The following PSMB1 variants were observed in gnomAD, a reference collection of about 807,000 sequenced individuals.
PSMB1 encodes the protein proteasome 20S subunit beta 1.
In PSMB1, 7 loss-of-function variants were observed where a neutral mutation model predicts 25.4. The ratio of observed to expected loss-of-function variants is 0.28; its 90% CI spans 0.16 to 0.52. The LOEUF is 0.52. Ranked by LOEUF, PSMB1 falls within the 20% of genes least tolerant of loss-of-function variation. The pLI is 0.97. For missense variants in PSMB1, 284 were observed against 302.2 expected, an observed-to-expected ratio of 0.94 and a Z score of 0.45; for synonymous variants, 119 against 115.0, an observed-to-expected ratio of 1.03 and a Z score of -0.22.
intron 1 of PSMB1, among the ~76,000 whole-genome samples, chr6:170,550,906 G>C (rs1302762430): frequency 1.5e-3 from 4 of 2,716 alleles, no homozygotes; most frequent in Admixed American, 0.012. Flanking sequence ...GGAGGCTGAG[G>C]GGGGGGGGGG....
chr6:170,546,183 T>C lies in PSMB1; in HGVS notation c.223A>G (p.Thr75Ala). The C allele has an allele frequency of 6.2e-7, 1 of 1,613,674 alleles. No homozygotes were observed. Among genetic ancestry groups the C allele is most frequent in the Non-Finnish European group, 8.5e-7 (1 of 1,179,724 alleles). The change falls in exon 3 of 6, where the codon ACA becomes GCA. Residue 75 changes from threonine (T) to alanine (A), a missense_variant and splice_region_variant. Thr to Ala is a moderately conservative substitution (Grantham distance 58, BLOSUM62 0). Coordinates refer to ENST00000262193, the MANE Select transcript of PSMB1 (RefSeq NM_002793.4). ...CTGCATCCAATGACTGTTTTGTCTG[T>C]TCTGTAAAAAGCACATTTCAGAAAA... ...TRDSPKCYKL[T>A]DKTVIGCSGF...
chr6:170,553,050 T>A (rs1383554610), intron 1 of PSMB1, 80 bp downstream of exon 1: 5 of 1,270,264 alleles, frequency 3.9e-6, no homozygotes, highest in Non-Finnish European at 4.4e-6. Flanking sequence ...GGCAGCGCCA[T>A]CACGGCGGTG....
chr6:170,537,272 A>G lies in PSMB1; in HGVS notation c.502T>C (p.Ser168Pro). 6.2e-7 allele frequency: 1 copy of G among 1,614,168 alleles called. No homozygotes were observed. The highest frequency in any genetic ancestry group is 8.5e-7 in the Non-Finnish European group (1 of 1,180,024). The change falls in exon 5 of 6, where the codon TCA (serine) becomes CCA (proline). Residue 168 changes from serine (S) to proline (P), a missense_variant. Ser to Pro is a moderately conservative substitution (Grantham distance 74). Transcript: ENST00000262193. The stretch of plus-strand genomic sequence containing the variant: ...AGGGGCTGTAGCATGGCACTTGCTG[A>G]GCCTCCAGCCTTGAAGGAGTCTCTC... Reference protein sequence around the residue: ...YQRDSFKAGGSASAMLQPLLD... With the variant: ...YQRDSFKAGGPASAMLQPLLD...
chr6:170,547,446 T>G (rs1778833261), intron 2 of PSMB1, among the ~76,000 whole-genome samples: 1 of 152,188 alleles, frequency 6.6e-6, no homozygotes, highest in African/African-American at 2.4e-5. Flanking sequence ...CTAAACAATA[T>G]TTTGCAGAGG....
chr6:170,546,885 ATT>A (rs1267284881), intron 2 of PSMB1, among the ~76,000 whole-genome samples: 1 of 152,230 alleles, frequency 6.6e-6, no homozygotes, highest in Non-Finnish European at 1.5e-5. Context: ...AAGAAAATAT[ATT>A]AGTAGCATCT....
chr6:170,535,900 C>T (rs1778684330), intron 5 of PSMB1, among the ~76,000 whole-genome samples: 2 of 152,046 alleles, frequency 1.3e-5, no homozygotes, highest in South Asian at 2.1e-4. Flanking sequence ...AGTGGGGTGA[C>T]AGGAGATGAG....
intron 1 of PSMB1, among the ~76,000 whole-genome samples, chr6:170,552,733 G>A (rs949740248): frequency 1.3e-5 from 2 of 152,134 alleles, no homozygotes; most frequent in South Asian, 2.1e-4. Flanking sequence ...CTCTACCCTC[G>A]CCGGCTGGCA....
At position 170,537,586 on chromosome 6, in the gene PSMB1, T is replaced by C. The variant is rs139063277; in HGVS notation, c.434-246A>G. Among the ~76,000 whole-genome samples the C allele has an allele frequency of 7.6e-4, 115 of 152,120 alleles. 1 individual carries two copies. Among genetic ancestry groups the C allele is most frequent in the African/African-American group, 2.4e-3 (99 of 41,496 alleles). ...ACCCAGCAGACAGCCCCAATCCCCG[T>C]GTTGGTGTGTTGTTCAAGGGTAAAC... On this transcript the variant is annotated intron_variant, in intron 4 of 5. Coordinates refer to ENST00000262193, the MANE Select transcript of PSMB1 (RefSeq NM_002793.4).
At position 170,553,133 on chromosome 6, in the gene PSMB1, C is replaced by T; in HGVS notation, c.110G>A (p.Gly37Glu). Residue 37 changes from glycine to glutamate, a missense_variant, in exon 1 of 6, where the codon GGA becomes GAA. By Grantham distance (98) the Gly-to-Glu change is moderately conservative. Coordinates refer to ENST00000262193, the MANE Select transcript of PSMB1 (RefSeq NM_002793.4). ...QLRFSPYVFN[G>E]GTILAIAGED... ...CGCAGCTCTCTGGGGTTTTTACCCT[C>T]CGTTGAAAACGTAGGGCGAAAATCG... The T allele has an allele frequency of 6.2e-7, 1 of 1,608,552 alleles. No homozygotes were observed. Among genetic ancestry groups the T allele is most frequent in the Non-Finnish European group, 8.5e-7 (1 of 1,177,048 alleles).
Position 170,544,090 on chromosome 6 carries a change from G to A in PSMB1, c.304-360C>T, listed in dbSNP as rs146535540. Among the ~76,000 whole-genome samples the A allele has an allele frequency of 3.8e-3, 579 of 152,258 alleles. 4 individuals are homozygous for A. Among genetic ancestry groups the A allele is most frequent in the African/African-American group, 0.013 (520 of 41,536 alleles). On this transcript the variant is annotated intron_variant, in intron 3 of 5. Coordinates refer to ENST00000262193, the MANE Select transcript of PSMB1 (RefSeq NM_002793.4). ...GACCAGGGGTCAACAAACTACCCCT[G>A]TAGTTTGGCTCAGGGGCCAAATCCA... is the stretch of plus-strand genomic sequence containing the variant.
At position 170,550,030 on chromosome 6, in the gene PSMB1, A is replaced by C. The variant is rs190532618; in HGVS notation, c.114-917T>G. 250 of 152,324 alleles carry C rather than the reference A, an allele frequency of 1.6e-3. 1 individual carries two copies. Among genetic ancestry groups the C allele is most frequent in the African/African-American group, 5.6e-3 (234 of 41,570 alleles). 9.4% of individuals were successfully genotyped at this position (152,324 alleles called of 1,614,324 possible). Reference sequence around the variant, plus strand: ...AGTTGATGATAACAGTACCTGTGTCACAAGGTGTGTATATATATTTGGGTG... The same window carrying C: ...AGTTGATGATAACAGTACCTGTGTCCCAAGGTGTGTATATATATTTGGGTG... On this transcript the variant is annotated intron_variant, in intron 1 of 5. Coordinates refer to ENST00000262193, the MANE Select transcript of PSMB1 (RefSeq NM_002793.4).
At position 170,543,653 on chromosome 6, in the gene PSMB1, C is replaced by T. The variant is rs1338157916; in HGVS notation, c.381G>A (p.Arg127=). 6.2e-7 allele frequency: 1 copy of T among 1,611,700 alleles called. No individual in the cohort carries two copies. The highest frequency in any genetic ancestry group is 1.7e-5 in the Admixed American group (1 of 59,972). The change falls in exon 4 of 6, where the codon AGG becomes AGA. Residue 127 remains arginine (R), a synonymous_variant. Coordinates refer to ENST00000262193, the MANE Select transcript of PSMB1 (RefSeq NM_002793.4). ...AAMLSTILYS[R]RFFPYYVYNI... ...TGTAAACATAGTATGGAAAGAAGCGCCTTGAATACAGGATTGTAGACAGCA... is the reference window on the plus strand; with the variant it reads ...TGTAAACATAGTATGGAAAGAAGCGTCTTGAATACAGGATTGTAGACAGCA...
chr6:170,550,063 T>C (rs775288024), intron 1 of PSMB1: 1 of 152,228 alleles, frequency 6.6e-6, no homozygotes, highest in Non-Finnish European at 1.5e-5. Context: ...GTGTGTATAT[T>C]TTAATGTACA....
intron 1 of PSMB1, chr6:170,550,474 G>C (rs1778877245): frequency 6.6e-6 from 1 of 152,274 alleles, no homozygotes; most frequent in Admixed American, 6.5e-5. Context: ...AAGAGGCTGA[G>C]GTGGGAGGAC....
At chr6:170,540,214 C>T (rs971878316) in intron 4 of PSMB1, among the ~76,000 whole-genome samples, 7 of 152,108 alleles carry the variant, frequency 4.6e-5, no homozygotes, top group Admixed American at 1.3e-4. Context: ...GAGCACTGCT[C>T]TCCAGGTCCC....
Position 170,546,063 on chromosome 6 carries a change from ATTAAT to A in PSMB1, c.303+35_303+39del, listed in dbSNP as rs763941453. On this transcript the variant is annotated intron_variant, in intron 3 of 5. Coordinates refer to ENST00000262193, the MANE Select transcript of PSMB1 (RefSeq NM_002793.4). ...GCTTAAAAGAATTTAATGAATTACT[ATTAAT>A]TTAAAATAGTGTAGAAATGTACAAA... The A allele has an allele frequency of 2.0e-6, 3 of 1,524,648 alleles. No homozygotes were observed. In the African/African-American group the frequency reaches 4.2e-5, roughly 21 times the overall value. 94.4% of individuals were successfully genotyped at this position (1,524,648 alleles called of 1,614,324 possible).
intron 4 of PSMB1, among the ~76,000 whole-genome samples, chr6:170,542,726 C>T (rs1242582797): frequency 6.6e-6 from 1 of 152,168 alleles, no homozygotes; most frequent in Non-Finnish European, 1.5e-5. Context: ...AGGTTCGGGG[C>T]AGTCCCTTAC....
intron 3 of PSMB1, among the ~76,000 whole-genome samples, chr6:170,545,384 C>G (rs1432546054): frequency 3.3e-5 from 5 of 152,108 alleles, no homozygotes; most frequent in African/African-American, 9.7e-5. Context: ...GTCACTATGG[C>G]TTTCAATGTA....
At position 170,537,295 on chromosome 6, in the gene PSMB1, C is replaced by T. The variant is rs1778706804; in HGVS notation, c.479G>A (p.Arg160Lys). 9 of 1,614,152 alleles carry T rather than the reference C, an allele frequency of 5.6e-6. No homozygotes were observed. Among genetic ancestry groups the T allele is most frequent in the Non-Finnish European group, 7.6e-6 (9 of 1,180,020 alleles). Reference protein sequence around the residue: ...YSFDPVGSYQRDSFKAGGSAS... With the variant: ...YSFDPVGSYQKDSFKAGGSAS... ...TGAGCCTCCAGCCTTGAAGGAGTCTCTCTGGTAAGACCCTACTGGATCAAA... is the reference window on the plus strand; with the variant it reads ...TGAGCCTCCAGCCTTGAAGGAGTCTTTCTGGTAAGACCCTACTGGATCAAA... The change falls in exon 5 of 6, where the codon AGA becomes AAA. Residue 160 changes from arginine to lysine, a missense_variant. Coordinates refer to ENST00000262193, the MANE Select transcript of PSMB1 (RefSeq NM_002793.4).
Sources: gnomAD v4.1 joint callset for allele counts (sites outside exome capture counted in the v4.1 genomes callset) on GRCh38, gnomAD v4.1.1 for gene constraint, MANE v1.5 for transcripts, NCBI Gene and HGNC (gene_info 2026-07-23, HGNC 2026-07-21) for gene names.